Variants in KCNB2 observed in about 807,000 individuals in gnomAD.
KCNB2 encodes the protein potassium voltage-gated channel subfamily B member 2.
In KCNB2, 15 loss-of-function variants were observed where a neutral mutation model predicts 61.5. That is an observed-to-expected ratio of 0.24 (90% confidence interval 0.16 to 0.38). The LOEUF (loss-of-function observed/expected upper bound fraction) is 0.38. Among genes scored for constraint, KCNB2 ranks in the 10% least tolerant of loss-of-function variants. The pLI, the probability that KCNB2 is intolerant of heterozygous loss-of-function variation, is 1.00. For missense variants in KCNB2, 828 were observed against 1,125.2 expected, an observed-to-expected ratio of 0.74 and a Z score of 3.78; for synonymous variants, 457 against 446.0, an observed-to-expected ratio of 1.02 and a Z score of -0.31.
rs776590285 is a variant in KCNB2 at position 72,779,989 on chromosome 8, C to T, written c.580-155946C>T. ...TGCTTGGGTGATGGAATAGACCTCT[C>T]CATTTATTCTGGGTGGTTGCTCCCG... On this transcript the variant is annotated intron_variant, in intron 2 of 2. Transcript: ENST00000523207. 1.8e-4 allele frequency among the ~76,000 whole-genome samples: 28 copies of T among 152,116 alleles called. 1 individual carries two copies. Among genetic ancestry groups the T allele is most frequent in the Admixed American group, 7.2e-4 (11 of 15,272 alleles).
intron 2 of KCNB2, among the ~76,000 whole-genome samples, chr8:72,663,780 G>C (rs1273628720): frequency 1.3e-5 from 2 of 151,880 alleles, no homozygotes; most frequent in Non-Finnish European, 2.9e-5. Context: ...CAAAAAGGAT[G>C]GTATTTACAC....
chr8:72,620,476 A>G (rs965098432), intron 2 of KCNB2, among the ~76,000 whole-genome samples: 7 of 152,246 alleles, frequency 4.6e-5, no homozygotes, highest in African/African-American at 1.4e-4. Context: ...CATGTGCAGG[A>G]GAGGGAGACA....
chr8:72,581,988 A>G (rs139254470), intron 2 of KCNB2, among the ~76,000 whole-genome samples: 74 of 152,266 alleles, frequency 4.9e-4, no homozygotes, highest in Non-Finnish European at 8.8e-4. Flanking sequence ...AGATGGATAG[A>G]TCATTTATTT....
chr8:72,688,714 A>G (rs1239733207), intron 2 of KCNB2, among the ~76,000 whole-genome samples: 1 of 152,032 alleles, frequency 6.6e-6, no homozygotes, highest in African/African-American at 2.4e-5. Flanking sequence ...AGGAAGCTTA[A>G]TTTACTCATT....
chr8:72,555,392 T>C (rs1806407784), intron 1 of KCNB2, among the ~76,000 whole-genome samples: 1 of 151,782 alleles, frequency 6.6e-6, no homozygotes, highest in Non-Finnish European at 1.5e-5. Context: ...ATATCCCTAC[T>C]TTCTAGGAAA....
chr8:72,734,560 G>A (rs553021614), intron 2 of KCNB2, among the ~76,000 whole-genome samples: 24 of 152,276 alleles, frequency 1.6e-4, no homozygotes, highest in East Asian at 5.8e-4. Context: ...CTACTATGAC[G>A]CCTGAACTAC....
rs1354057409 is a variant in KCNB2 at position 72,936,795 on chromosome 8, C to T, written c.1440C>T (p.Asp480=). Residue 480 remains aspartate (D), a synonymous_variant, in exon 3 of 3, where the codon GAC becomes GAT. Coordinates refer to ENST00000523207, the MANE Select transcript of KCNB2 (RefSeq NM_004770.3). This position sits in a 1 kb window ranked among gnomAD's most constrained non-coding sequence, Gnocchi z 5.6. Reference sequence around the variant, plus strand: ...CCGGAGAGTCCGCCAACACAAAGGACTCCGCCGACGATAATCACCTGTCGC... The same window carrying T: ...CCGGAGAGTCCGCCAACACAAAGGATTCCGCCGACGATAATCACCTGTCGC... The part of the protein sequence containing the change: ...EKAGESANTK[D]SADDNHLSPS... 1.2e-6 allele frequency: 2 copies of T among 1,614,108 alleles called. No homozygotes were observed. Among genetic ancestry groups the T allele is most frequent in the Non-Finnish European group, 1.7e-6 (2 of 1,180,018 alleles).
intron 2 of KCNB2, among the ~76,000 whole-genome samples, chr8:72,635,434 A>G (rs1805948027): frequency 6.6e-6 from 1 of 152,180 alleles, no homozygotes; most frequent in African/African-American, 2.4e-5. Flanking sequence ...TCGTCCTGTC[A>G]GTCAGCTGAG....
intron 2 of KCNB2, among the ~76,000 whole-genome samples, chr8:72,651,812 AACC>A (rs1346531680): frequency 3.9e-5 from 6 of 152,184 alleles, no homozygotes; most frequent in Admixed American, 1.3e-4. Flanking sequence ...ATCAGAAATT[AACC>A]CCTAATTTAG....
intron 2 of KCNB2, among the ~76,000 whole-genome samples, chr8:72,598,661 G>A (rs954241067): frequency 9.2e-5 from 14 of 152,188 alleles, no homozygotes; most frequent in African/African-American, 3.1e-4. Context: ...AAGTCAAATT[G>A]TCCCTGTTTG....
intron 2 of KCNB2, among the ~76,000 whole-genome samples, chr8:72,651,706 A>G (rs1806213190): frequency 6.6e-6 from 1 of 152,160 alleles, no homozygotes; most frequent in Non-Finnish European, 1.5e-5. Flanking sequence ...CACCAGATCT[A>G]CATCCAGTCG....
intron 2 of KCNB2, among the ~76,000 whole-genome samples, chr8:72,593,412 G>A (rs188022932): frequency 1.1e-3 from 165 of 152,316 alleles, no homozygotes; most frequent in African/African-American, 3.7e-3. Context: ...AAAAGAAACT[G>A]GCTCTGTGGT....
chr8:72,818,540 A>G (rs1456218551), intron 2 of KCNB2, among the ~76,000 whole-genome samples: 20 of 152,194 alleles, frequency 1.3e-4, no homozygotes, highest in Admixed American at 1.3e-3. Flanking sequence ...AATATGAACT[A>G]ACACAGTGCC....
chr8:72,733,922 C>A (rs1023435557), intron 2 of KCNB2, among the ~76,000 whole-genome samples: 1 of 152,106 alleles, frequency 6.6e-6, no homozygotes, highest in Non-Finnish European at 1.5e-5. Flanking sequence ...TTTTTGTCAG[C>A]CCAGCCACAG....
At chr8:72,917,027 C>A (rs1456634995) in intron 2 of KCNB2, among the ~76,000 whole-genome samples, 1 of 152,172 alleles carries the variant, frequency 6.6e-6, no homozygotes, top group East Asian at 1.9e-4. Context: ...TCATTTTGGG[C>A]CACAGTATCA....
chr8:72,921,939 G>A (rs1324701793), intron 2 of KCNB2, among the ~76,000 whole-genome samples: 2 of 152,158 alleles, frequency 1.3e-5, no homozygotes, highest in Admixed American at 6.5e-5. Context: ...CTCTGTGAGT[G>A]TTCTTAGCTC....
intron 2 of KCNB2, among the ~76,000 whole-genome samples, chr8:72,832,094 A>G (rs1489482666): frequency 6.6e-6 from 1 of 152,238 alleles, no homozygotes; most frequent in Non-Finnish European, 1.5e-5. Flanking sequence ...GAATCAGAAG[A>G]ACTAACATGG....
chr8:72,539,452 A>G (rs1488267351), intron 1 of KCNB2, among the ~76,000 whole-genome samples: 1 of 152,206 alleles, frequency 6.6e-6, no homozygotes, highest in Non-Finnish European at 1.5e-5. Context: ...ACAATTGTTT[A>G]TCACAAATAG....
intron 1 of KCNB2, among the ~76,000 whole-genome samples, chr8:72,561,792 TATA>T: frequency 1.1e-5 from 1 of 88,890 alleles, no homozygotes; most frequent in South Asian, 3.5e-4. Flanking sequence ...TATATATACA[TATA>T]TATATATATG....
Sources: allele counts gnomAD v4.1 joint callset (sites outside exome capture counted in the v4.1 genomes callset), GRCh38; gene constraint gnomAD v4.1.1; non-coding constraint Gnocchi (gnomAD v3.1); transcripts MANE v1.5; gene names NCBI Gene and HGNC (gene_info 2026-07-23, HGNC 2026-07-21).